GOSR2: variants seen among roughly 807,000 people sequenced by gnomAD.
GOSR2 encodes 27 kDa Golgi SNARE protein.
In GOSR2, 20 loss-of-function variants were observed where a neutral mutation model predicts 27.9. The ratio of observed to expected loss-of-function variants is 0.72; its 90% confidence interval spans 0.50 to 1.04. GOSR2 has a LOEUF of 1.04. GOSR2 is among the 50% of genes least tolerant of loss of function. The pLI is 0.00. For missense variants in GOSR2, 261 were observed against 270.5 expected (o/e 0.97, Z 0.25); for synonymous variants, 91 against 98.8 (o/e 0.92, Z 0.47).
At chr17:46,923,331 C>T in intron 1 of GOSR2, 110 bp downstream of exon 1, 2 of 1,534,762 alleles carry the variant, frequency 1.3e-6, no homozygotes, top group African/African-American at 1.4e-5. Flanking sequence ...CGAGTTTTTC[C>T]GCCAGGGCAC....
chr17:46,944,510 C>T (rs1404779200), downstream of GOSR2, among the ~76,000 whole-genome samples: 2 of 152,190 alleles, frequency 1.3e-5, no homozygotes, highest in Non-Finnish European at 2.9e-5. Flanking sequence ...TTCCTGGAGT[C>T]CCCCAGAGAG....
At chr17:46,966,509 G>A (rs936023421) in intron 6 of GOSR2, 70 of 685,468 alleles carry the variant, frequency 1.0e-4, no homozygotes, top group Non-Finnish European at 1.6e-4. Flanking sequence ...CACCACACCC[G>A]ATTAATTTTT....
At position 46,940,552 on chromosome 17, in the gene GOSR2, CA is replaced by C. The variant is rs751561082; in HGVS notation, c.*1793del. On this transcript the variant is annotated 3_prime_UTR_variant, in exon 6 of 6. Transcript: ENST00000640051. ...GCGACGGCAAGGCTGTCCTGTCCCC[CA>C]GGCACCCAAGGATCCTGCCAGACAG... The C allele has an allele frequency of 3.7e-6, 6 of 1,614,050 alleles. No individual in the cohort carries two copies. The Admixed American group carries it at 1.0e-4, about 27-fold the overall frequency.
chr17:46,923,513 T>C, intron 1 of GOSR2: 1 of 1,379,402 alleles, frequency 7.2e-7, no homozygotes, highest in Non-Finnish European at 9.3e-7. Flanking sequence ...CTGCAGGTTA[T>C]AAAACTTTGT....
intron 3 of GOSR2, 132 bp from the exon 4 acceptor site, chr17:46,931,935 T>C: frequency 3.8e-6 from 3 of 786,338 alleles, no homozygotes; most frequent in Non-Finnish European, 6.8e-6. Flanking sequence ...GATCTTGTGG[T>C]GAGGGGGTAT....
At chr17:46,955,690 C>T (rs2090662605) in intron 6 of GOSR2, 2 of 152,284 alleles carry the variant, frequency 1.3e-5, no homozygotes, top group Non-Finnish European at 2.9e-5. Flanking sequence ...CACTCACCTC[C>T]TCCAGAAAGC....
intron 4 of GOSR2, among the ~76,000 whole-genome samples, chr17:46,934,055 T>C (rs956997675): frequency 1.3e-5 from 2 of 152,124 alleles, no homozygotes; most frequent in Admixed American, 1.3e-4. Context: ...CTCCTGCCTA[T>C]AGTCCACTTT....
chr17:46,946,893 C>T (rs574923083), downstream of GOSR2, among the ~76,000 whole-genome samples: 59 of 152,216 alleles, frequency 3.9e-4, no homozygotes, highest in African/African-American at 1.3e-3. Context: ...TATGAGATGT[C>T]GCGGGGCAGC....
At chr17:46,935,819 G>A in intron 5 of GOSR2, 5 of 986,120 alleles carry the variant, frequency 5.1e-6, no homozygotes, top group Non-Finnish European at 4.8e-6. Flanking sequence ...AGACTCTGAT[G>A]TCAGTCATGA....
At chr17:46,943,962 G>T (rs953628293), downstream of GOSR2, among the ~76,000 whole-genome samples, 10 of 152,116 alleles carry the variant, frequency 6.6e-5, no homozygotes, top group African/African-American at 2.4e-4. Flanking sequence ...CTAATGCAGG[G>T]TATCTAGGAA....
intron 6 of GOSR2, chr17:46,963,659 A>G (rs2091190776): frequency 6.6e-6 from 1 of 152,202 alleles, no homozygotes; most frequent in African/African-American, 2.4e-5. Context: ...GAGAAAATGT[A>G]AATGCTACAT....
At chr17:46,928,355 C>T (rs559991071) in intron 1 of GOSR2, among the ~76,000 whole-genome samples, 2 of 152,262 alleles carry the variant, frequency 1.3e-5, no homozygotes, top group South Asian at 4.1e-4. Flanking sequence ...GCATTGCTCA[C>T]GATGCAGAAT....
intron 5 of GOSR2, chr17:46,935,893 G>A (rs1002583842): frequency 1.0e-6 from 1 of 985,820 alleles, no homozygotes. Flanking sequence ...GGTTCTGTCT[G>A]TTATCAGGGT....
chr17:46,934,937 T>G (rs1262254260), intron 4 of GOSR2, 92 bp from the exon 5 acceptor site: 1 of 1,146,902 alleles, frequency 8.7e-7, no homozygotes, highest in Admixed American at 1.7e-5. Flanking sequence ...CTCCGGCTGT[T>G]CTGGCTTGGC....
chr17:46,965,267 A>G (rs571055555), intron 6 of GOSR2, among the ~76,000 whole-genome samples: 1 of 151,872 alleles, frequency 6.6e-6, no homozygotes, highest in Admixed American at 6.6e-5. Flanking sequence ...GTGCATCTCA[A>G]CCTCCCATGG....
rs1390079514 is a variant in GOSR2 at position 46,947,833 on chromosome 17, A to G, written c.583+9129A>G. On this transcript the variant is annotated intron_variant, in intron 6 of 6. Coordinates refer to the GOSR2 transcript ENST00000573224. ...GCCCAGGCTGGAGTGCAATGGCACA[A>G]TCTCGGCTCACCGTAACCTCCGCCT... 2.6e-5 allele frequency among the ~76,000 whole-genome samples: 4 copies of G among 152,202 alleles called. No homozygotes were observed. The East Asian group carries it at 7.7e-4, about 29-fold the overall frequency.
chr17:46,951,668 A>G (rs2090357943), intron 6 of GOSR2, among the ~76,000 whole-genome samples: 1 of 152,160 alleles, frequency 6.6e-6, no homozygotes, highest in Non-Finnish European at 1.5e-5. Flanking sequence ...CCCTCTGCAC[A>G]ACCTCCCAGG....
chr17:46,941,390 T>C lies in GOSR2; in HGVS notation c.*2630T>C, dbSNP rs922747146. 12 of 982,608 alleles carry C rather than the reference T, an allele frequency of 1.2e-5. No homozygotes were observed. Among genetic ancestry groups the C allele is most frequent in the African/African-American group, 1.0e-4 (6 of 57,194 alleles). The allele number at this position is 982,608 out of a possible 1,614,324, so 60.9% of individuals were successfully genotyped here. ...TCACATTTTGTAAAAGAATTCGATA[T>C]TCATTTTTATAACTAATGGCCCCCT... On this transcript the variant is annotated 3_prime_UTR_variant, in exon 6 of 6. Transcript: ENST00000640051.
intron 5 of GOSR2, 42 bp downstream of exon 5, chr17:46,935,211 T>C: frequency 6.2e-7 from 1 of 1,612,702 alleles, no homozygotes. Context: ...CCTCTTGTTT[T>C]AGCCTCATCC....
Sources: gnomAD v4.1 joint callset for allele counts (sites outside exome capture counted in the v4.1 genomes callset) on GRCh38, gnomAD v4.1.1 for gene constraint, MANE v1.5 for transcripts, NCBI Gene and HGNC (gene_info 2026-07-23, HGNC 2026-07-21) for gene names.